The following GFRA1 variants were observed in gnomAD, a reference collection of about 807,000 sequenced individuals.
GFRA1 encodes the protein GDNF family receptor alpha 1.
A neutral mutation model predicts 51.6 loss-of-function variants in GFRA1; 16 were observed. The observed-to-expected ratio is 0.31, with a 90% CI of 0.21 to 0.47. The LOEUF (loss-of-function observed/expected upper bound fraction) is 0.47, where lower values mean the gene tolerates loss of function less well. Ranked by LOEUF, GFRA1 falls within the 20% of genes least tolerant of loss-of-function variation. The pLI, the probability that GFRA1 is intolerant of heterozygous loss-of-function variation, is 1.00. For missense variants in GFRA1, 530 were observed against 594.3 expected (o/e 0.89, Z 1.13); for synonymous variants, 270 against 241.3 (o/e 1.12, Z -1.10).
chr10:116,142,182 G>A (rs996469258), intron 5 of GFRA1, among the ~76,000 whole-genome samples: 9 of 152,122 alleles, frequency 5.9e-5, no homozygotes, highest in East Asian at 1.9e-4. Context: ...ACAATGCCCC[G>A]CCATGCAGCA....
chr10:116,065,183 G>A (rs1565548257), intron 10 of GFRA1, among the ~76,000 whole-genome samples: 2 of 152,232 alleles, frequency 1.3e-5, no homozygotes, highest in South Asian at 2.1e-4. Flanking sequence ...AGAGAGGAAT[G>A]TATCTGCTCT....
In GFRA1 at chr10:116,173,695, G is replaced by A. The variant is rs112224880; in HGVS notation, c.433+37936C>T. Among the ~76,000 whole-genome samples, 742 of 152,176 alleles carry A rather than the reference G, an allele frequency of 4.9e-3. 3 individuals are homozygous for A. Among genetic ancestry groups the A allele is most frequent in the Non-Finnish European group, 6.5e-3 (444 of 68,014 alleles). On this transcript the variant is annotated intron_variant, in intron 5 of 10. Transcript: ENST00000355422. ...ATTCAAAACCAAACAGAACAGAACC[G>A]CTGCCTTAAATACCAACTCAAACTG...
At chr10:116,129,243 C>T (rs1216765633) in intron 5 of GFRA1, among the ~76,000 whole-genome samples, 2 of 152,178 alleles carry the variant, frequency 1.3e-5, no homozygotes, top group Non-Finnish European at 2.9e-5. Flanking sequence ...AAATAATAGA[C>T]TGATATTGCT....
chr10:116,093,565 G>C (rs1267934020), intron 8 of GFRA1, 137 bp downstream of exon 8: 16 of 775,502 alleles, frequency 2.1e-5, no homozygotes, highest in Non-Finnish European at 3.5e-5. Flanking sequence ...GACAGACAGA[G>C]AGAGGAAGCA....
At chr10:116,217,089 A>G (rs4356140) in intron 4 of GFRA1, among the ~76,000 whole-genome samples, 59,794 of 152,008 alleles carry the variant, frequency 0.39, 13,250 homozygotes, top group African/African-American at 0.61. Context: ...TTGAGTACCC[A>G]CGGCACTCCA....
chr10:116,132,877 A>T (rs1958162777), intron 5 of GFRA1, among the ~76,000 whole-genome samples: 2 of 152,218 alleles, frequency 1.3e-5, no homozygotes, highest in South Asian at 4.2e-4. Flanking sequence ...CGCACGGAGG[A>T]TCAGGAGCCC....
chr10:116,089,786 C>T lies in GFRA1; in HGVS notation c.1152G>A (p.Glu384=). ...GCAAAACATGAGTGGGAATTTCATTCTCAGACCCTGCTGGCCCCAGGGGCT... is the reference window on the plus strand; with the variant it reads ...GCAAAACATGAGTGGGAATTTCATTTTCAGACCCTGCTGGCCCCAGGGGCT... The part of the protein sequence containing the change: ...KNKPLGPAGS[E]NEIPTHVLPP... The change falls in exon 9 of 11, where the codon GAG becomes GAA. Residue 384 remains glutamate, a synonymous_variant. Transcript: ENST00000355422. 1 of 1,614,150 alleles carries T rather than the reference C, an allele frequency of 6.2e-7. No homozygotes were observed. Among genetic ancestry groups the T allele is most frequent in the Non-Finnish European group, 8.5e-7 (1 of 1,180,016 alleles).
chr10:116,062,422 A>C lies in GFRA1; in HGVS notation c.*1976T>G, dbSNP rs1954860008. The C allele has an allele frequency of 3.4e-6, 1 of 292,482 alleles. No individual in the cohort carries two copies. The highest frequency in any genetic ancestry group is 6.2e-6 in the Non-Finnish European group (1 of 160,148). 18.1% of individuals were successfully genotyped at this position (292,482 alleles called of 1,614,324 possible). On this transcript the variant is annotated 3_prime_UTR_variant, in exon 11 of 11. Coordinates refer to ENST00000355422, the MANE Select transcript of GFRA1 (RefSeq NM_005264.8). ...TGTCTGCTGAATTTCCCTTGAAAAC[A>C]TTTTGAAGTGAAAAAAGTCAGTACT...
At chr10:116,163,764 AG>A (rs1960084857) in intron 5 of GFRA1, among the ~76,000 whole-genome samples, 1 of 152,148 alleles carries the variant, frequency 6.6e-6, no homozygotes. Flanking sequence ...GATCTGGATG[AG>A]CCATAAGGTC....
At chr10:116,267,761 C>A (rs11197615) in intron 4 of GFRA1, among the ~76,000 whole-genome samples, 1 of 152,092 alleles carries the variant, frequency 6.6e-6, no homozygotes, top group African/African-American at 2.4e-5. Context: ...TGGTCACATA[C>A]GTTTGTCTGT....
chr10:116,085,516 C>T (rs1189012225), intron 9 of GFRA1, among the ~76,000 whole-genome samples: 2 of 119,870 alleles, frequency 1.7e-5, no homozygotes, highest in East Asian at 1.9e-4. Flanking sequence ...ATTTCTAGGA[C>T]CCCCATCCTC....
chr10:116,095,526 G>T (rs1366934813), intron 7 of GFRA1, among the ~76,000 whole-genome samples: 1 of 152,154 alleles, frequency 6.6e-6, no homozygotes, highest in African/African-American at 2.4e-5. Context: ...GCTTAAGGAA[G>T]GTACACTCAT....
At chr10:116,210,738 C>G (rs1965129401) in intron 5 of GFRA1, among the ~76,000 whole-genome samples, 1 of 152,152 alleles carries the variant, frequency 6.6e-6, no homozygotes, top group Admixed American at 6.5e-5. Flanking sequence ...TATTTGGAAG[C>G]TATTTATGGA....
chr10:116,083,082 G>A (rs1272587527), intron 9 of GFRA1, among the ~76,000 whole-genome samples: 2 of 152,218 alleles, frequency 1.3e-5, no homozygotes, highest in Non-Finnish European at 2.9e-5. Flanking sequence ...CAATAGTCAT[G>A]GAGCCACAGG....
intron 5 of GFRA1, among the ~76,000 whole-genome samples, chr10:116,173,819 G>A (rs1031522680): frequency 1.1e-4 from 17 of 152,172 alleles, no homozygotes; most frequent in Admixed American, 3.9e-4. Context: ...GCTTACGCCT[G>A]TAATCCCAGC....
At chr10:116,238,020 G>A (rs952527007) in intron 4 of GFRA1, among the ~76,000 whole-genome samples, 1 of 152,144 alleles carries the variant, frequency 6.6e-6, no homozygotes, top group Non-Finnish European at 1.5e-5. Context: ...CGACCAAGCA[G>A]ACTCTGAAAA....
Position 116,063,939 on chromosome 10 carries a change from T to C in GFRA1, c.*459A>G, listed in dbSNP as rs1565546449. The C allele has an allele frequency of 5.9e-6, 1 of 170,686 alleles. No homozygotes were observed. Among genetic ancestry groups the C allele is most frequent in the African/African-American group, 2.4e-5 (1 of 41,640 alleles). 10.6% of individuals were successfully genotyped at this position (170,686 alleles called of 1,614,324 possible). On this transcript the variant is annotated 3_prime_UTR_variant, in exon 11 of 11. Transcript: ENST00000355422. The stretch of plus-strand genomic sequence containing the variant: ...TGGCATCAATGTAGGCTGAAATTTA[T>C]ATCATTAGAAATCAATGTCATTAAA...
intron 5 of GFRA1, among the ~76,000 whole-genome samples, chr10:116,171,140 C>T (rs1411926805): frequency 1.3e-5 from 2 of 152,164 alleles, no homozygotes; most frequent in Non-Finnish European, 2.9e-5. Flanking sequence ...TTAGAGGTCC[C>T]AGGGGACTGT....
intron 5 of GFRA1, among the ~76,000 whole-genome samples, chr10:116,188,708 A>AG (rs1962964868): frequency 6.6e-6 from 1 of 152,046 alleles, no homozygotes; most frequent in African/African-American, 2.4e-5. Flanking sequence ...GTTTGAGACC[A>AG]GCTTGGCCAA....
Sources: gnomAD v4.1 joint callset for allele counts (sites outside exome capture counted in the v4.1 genomes callset) on GRCh38, gnomAD v4.1.1 for gene constraint, MANE v1.5 for transcripts, NCBI Gene and HGNC (gene_info 2026-07-23, HGNC 2026-07-21) for gene names.